The following XRN2 variants were observed in gnomAD, a reference collection of about 807,000 sequenced individuals.
XRN2 encodes 5'-3' exoribonuclease 2, also known as DHM1-like protein.
XRN2 carries 44 observed loss-of-function variants against 138.5 expected under a neutral mutation model. The ratio of observed to expected loss-of-function variants is 0.32; its 90% CI spans 0.25 to 0.41. XRN2 has a LOEUF of 0.41. Ranked by LOEUF, XRN2 falls within the 10% of genes least tolerant of loss-of-function variation. XRN2 has a pLI of 1.00. For synonymous variants in XRN2, 354 were observed against 369.4 expected, an observed-to-expected ratio of 0.96 and a Z score of 0.48; for missense variants, 937 against 1,169.3, an observed-to-expected ratio of 0.80 and a Z score of 2.90.
intron 26 of XRN2, among the ~76,000 whole-genome samples, chr20:21,366,375 G>A (rs1246810157): frequency 2.1e-4 from 32 of 149,584 alleles, no homozygotes; most frequent in African/African-American, 4.9e-4. Context: ...GTGAAACCCC[G>A]TCTCTACTAA....
intron 1 of XRN2, among the ~76,000 whole-genome samples, chr20:21,305,063 A>C (rs192602802): frequency 6.6e-6 from 1 of 151,824 alleles, no homozygotes; most frequent in Non-Finnish European, 1.5e-5. Context: ...CCCGGACTCT[A>C]TTTTACCAGG....
chr20:21,389,251 T>C, intron 29 of XRN2, 22 bp from the exon 30 acceptor site: 1 of 1,605,250 alleles, frequency 6.2e-7, no homozygotes, highest in Non-Finnish European at 8.5e-7. Flanking sequence ...GAAAATAAAC[T>C]CTTTCTTTTG....
chr20:21,336,055 G>A (rs946441553), intron 13 of XRN2, among the ~76,000 whole-genome samples: 2 of 152,206 alleles, frequency 1.3e-5, no homozygotes, highest in African/African-American at 4.8e-5. Context: ...ACAAAAAAGG[G>A]AGAGATCCAT....
chr20:21,389,493 TTA>T lies in XRN2; in HGVS notation c.*157_*158del. 1 of 635,404 alleles carries T rather than the reference TTA, an allele frequency of 1.6e-6. No homozygotes were observed. The allele number at this position is 635,404 out of a possible 1,614,324, so 39.4% of individuals were successfully genotyped here. On this transcript the variant is annotated 3_prime_UTR_variant, in exon 30 of 30. Transcript: ENST00000377191. ...ATTTCTACTGATCTGATCTCACTGT[TTA>T]TGTTGCTTTCCAAAGATGTATGTTG...
intron 24 of XRN2, among the ~76,000 whole-genome samples, chr20:21,363,642 C>T (rs1027381547): frequency 2.0e-5 from 3 of 152,152 alleles, no homozygotes; most frequent in African/African-American, 7.2e-5. Flanking sequence ...TAAGTGAATC[C>T]ATTTTTGTGT....
At chr20:21,303,654 C>A in intron 1 of XRN2, 181 bp downstream of exon 1, 1 of 1,338,592 alleles carries the variant, frequency 7.5e-7, no homozygotes, top group African/African-American at 1.6e-5. Flanking sequence ...ATTCAGCACC[C>A]CGGGGGCGAG....
intron 24 of XRN2, among the ~76,000 whole-genome samples, chr20:21,362,922 C>T (rs1323808978): frequency 6.6e-6 from 1 of 152,164 alleles, no homozygotes; most frequent in East Asian, 1.9e-4. Flanking sequence ...TTAATTCCCT[C>T]CCACATCCCC....
Position 21,368,684 on chromosome 20 carries a change from A to G in XRN2, c.2584+94A>G, listed in dbSNP as rs530871259. 1.1e-5 allele frequency: 16 copies of G among 1,520,390 alleles called. No individual in the cohort carries two copies. In the East Asian group the frequency reaches 2.3e-4, roughly 22 times the overall value. 94.2% of individuals were successfully genotyped at this position (1,520,390 alleles called of 1,614,324 possible). On this transcript the variant is annotated intron_variant, in intron 27 of 29. Transcript: ENST00000377191. ...TTCTTTGCTGAAAAAGATTTGTTGT[A>G]TCAGTGCAGACAGTGAACTTTAAAA...
intron 1 of XRN2, among the ~76,000 whole-genome samples, chr20:21,311,885 A>G (rs781322435): frequency 1.2e-4 from 18 of 152,146 alleles, no homozygotes; most frequent in South Asian, 2.1e-4. Context: ...AAACCCAGCT[A>G]CTCAGGAGGC....
chr20:21,374,556 G>T (rs1392972802), intron 27 of XRN2, among the ~76,000 whole-genome samples: 1 of 151,866 alleles, frequency 6.6e-6, no homozygotes, highest in Non-Finnish European at 1.5e-5. Context: ...AAAACCTGGG[G>T]GTTTTGTTTG....
In XRN2 at chr20:21,305,698, G is replaced by A. The variant is rs1446926864; in HGVS notation, c.75+2225G>A. ...ATTACAGGTGTGAGCCACGGCGCCC[G>A]GCCCATCTTTCTTCCTTTAAATCGT... On this transcript the variant is annotated intron_variant, in intron 1 of 29. Transcript: ENST00000377191. 2.9e-5 allele frequency among the ~76,000 whole-genome samples: 2 copies of A among 69,436 alleles called. 1 individual carries two copies. Among genetic ancestry groups the A allele is most frequent in the Non-Finnish European group, 6.6e-5 (2 of 30,308 alleles). 45.6% of individuals were successfully genotyped at this position (69,436 alleles called of 152,430 possible).
At chr20:21,335,241 T>G (rs993200434) in intron 13 of XRN2, among the ~76,000 whole-genome samples, 48 of 152,132 alleles carry the variant, frequency 3.2e-4, no homozygotes, top group Admixed American at 2.7e-3. Context: ...GGAGGGTGAT[T>G]GCAGGGTGTA....
intron 27 of XRN2, among the ~76,000 whole-genome samples, chr20:21,371,930 C>T (rs2038767648): frequency 6.6e-6 from 1 of 152,192 alleles, no homozygotes; most frequent in African/African-American, 2.4e-5. Flanking sequence ...AATGGAGTCC[C>T]CTCTCTACTT....
rs146815478 is a variant in XRN2, at chr20:21,363,780, T to G, written c.2256-1641T>G. Among the ~76,000 whole-genome samples, 287 of 152,306 alleles carry G rather than the reference T, an allele frequency of 1.9e-3. 1 individual carries two copies. The highest frequency in any genetic ancestry group is 6.6e-3 in the African/African-American group (275 of 41,560). On this transcript the variant is annotated intron_variant, in intron 24 of 29. Transcript: ENST00000377191. ...TTTTTTAAAAACCTTTTTAACTGAC[T>G]GTAAGTGTAATCATTGGAGGAATTT...
chr20:21,311,050 C>T (rs1361185453), intron 1 of XRN2, among the ~76,000 whole-genome samples: 5 of 151,878 alleles, frequency 3.3e-5, no homozygotes, highest in Admixed American at 6.6e-5. Flanking sequence ...TGCGCCTGTC[C>T]GGGTCTGGCT....
intron 26 of XRN2, among the ~76,000 whole-genome samples, 182 bp downstream of exon 26, chr20:21,365,886 TA>T (rs2038690287): frequency 1.1e-5 from 1 of 87,022 alleles, no homozygotes; most frequent in Admixed American, 1.3e-4. Context: ...TAATATTATA[TA>T]ATATATAATT....
intron 8 of XRN2, 64 bp downstream of exon 8, chr20:21,331,882 T>A: frequency 6.4e-7 from 1 of 1,557,018 alleles, no homozygotes; most frequent in Non-Finnish European, 8.8e-7. Context: ...TGGGTTGGTG[T>A]GCAGTAATGG....
At chr20:21,305,085 G>C (rs2037797722) in intron 1 of XRN2, among the ~76,000 whole-genome samples, 1 of 152,174 alleles carries the variant, frequency 6.6e-6, no homozygotes, top group Admixed American at 6.5e-5. Flanking sequence ...AGTCTATCAA[G>C]AGTCATCTTT....
At chr20:21,335,474 C>CT (rs907900311) in intron 13 of XRN2, among the ~76,000 whole-genome samples, 103 of 152,254 alleles carry the variant, frequency 6.8e-4, no homozygotes, top group African/African-American at 2.4e-3. Context: ...CTAGTGATCT[C>CT]TTATTTTTAA....
Sources: allele counts gnomAD v4.1 joint callset (sites outside exome capture counted in the v4.1 genomes callset), GRCh38; gene constraint gnomAD v4.1.1; transcripts MANE v1.5; gene names NCBI Gene and HGNC (gene_info 2026-07-23, HGNC 2026-07-21).